LYRM4: variants seen among roughly 807,000 people sequenced by gnomAD.
The protein encoded by LYRM4 is LYR motif containing 4, also known as LYR motif-containing protein 4.
A neutral mutation model predicts 11.7 loss-of-function variants in LYRM4; 9 were observed. That is an observed-to-expected ratio of 0.77 (90% CI 0.46 to 1.34). LYRM4 has a LOEUF of 1.34. Among genes scored for constraint, LYRM4 ranks in the 40% most tolerant of loss-of-function variants. The pLI is 0.00. For synonymous variants in LYRM4, 42 were observed against 40.4 expected (o/e 1.04, Z -0.15); for missense variants, 133 against 112.5 (o/e 1.18, Z -0.82).
chr6:5,037,789 G>A, the LYRM4 span, among the ~76,000 whole-genome samples: 1 of 63,350 alleles, frequency 1.6e-5, no homozygotes. Flanking sequence ...TCACCTCCCG[G>A]ACGGGGCGGC....
the LYRM4 span, chr6:5,086,050 C>T: frequency 6.7e-7 from 1 of 1,482,254 alleles, no homozygotes; most frequent in Admixed American, 2.3e-5. Context: ...AGTGGCCGCG[C>T]CCCTTTCAGC....
intron 1 of LYRM4, among the ~76,000 whole-genome samples, chr6:5,236,087 C>T (rs1417427159): frequency 1.3e-5 from 2 of 152,072 alleles, no homozygotes; most frequent in South Asian, 2.1e-4. Flanking sequence ...GCCATTTTCC[C>T]GTAGGTGGAT....
intron 2 of LYRM4, among the ~76,000 whole-genome samples, chr6:5,130,260 G>C (rs2127612027): frequency 6.6e-6 from 1 of 152,312 alleles, no homozygotes; most frequent in East Asian, 1.9e-4. Flanking sequence ...GGCCAACGCT[G>C]GGATTCTGGG....
intron 2 of LYRM4, among the ~76,000 whole-genome samples, chr6:5,120,916 G>A (rs1266972374): frequency 3.3e-5 from 5 of 152,268 alleles, no homozygotes; most frequent in South Asian, 4.1e-4. Context: ...AGCTGGCTTC[G>A]CCTCTCAGTA....
chr6:5,038,887 AGAGAGGGAGAGG>A, the LYRM4 span, among the ~76,000 whole-genome samples: 137 of 85,108 alleles, frequency 1.6e-3, 56 homozygotes, highest in East Asian at 0.012. Context: ...GTGGAGGGAG[AGAGAGGGAGAGG>A]GAGAGGGAGA....
intron 2 of LYRM4, among the ~76,000 whole-genome samples, chr6:5,130,329 A>G (rs1392678571): frequency 1.3e-5 from 2 of 152,214 alleles, no homozygotes. Context: ...CTGCCTCCCA[A>G]GTGAGCTTTA....
chr6:5,080,103 T>C, the LYRM4 span, among the ~76,000 whole-genome samples: 2 of 152,188 alleles, frequency 1.3e-5, no homozygotes, highest in Admixed American at 6.5e-5. Context: ...AGTGAGGATA[T>C]AGTGGGTATT....
At chr6:5,050,323 C>CCTT in the LYRM4 span, among the ~76,000 whole-genome samples, 994 of 152,326 alleles carry the variant, frequency 6.5e-3, 8 homozygotes, top group African/African-American at 0.019. Context: ...CTTGAAGGAG[C>CCTT]CAAGGTGGGT....
At chr6:5,043,711 C>G in the LYRM4 span, among the ~76,000 whole-genome samples, 23 of 152,170 alleles carry the variant, frequency 1.5e-4, no homozygotes, top group Admixed American at 6.5e-4. Flanking sequence ...TCCTCCTCCT[C>G]CCAGGGGCGC....
intron 2 of LYRM4, among the ~76,000 whole-genome samples, chr6:5,117,553 A>G (rs895581975): frequency 6.6e-6 from 1 of 152,088 alleles, no homozygotes; most frequent in African/African-American, 2.4e-5. Context: ...CTCAAAAAAA[A>G]AAAAAAATTG....
chr6:5,256,490 GGAAAAAAAAAAAAAAAAAAAAAAAAAAA>G (rs1440804181), intron 1 of LYRM4, among the ~76,000 whole-genome samples: 2 of 37,520 alleles, frequency 5.3e-5, no homozygotes, highest in Non-Finnish European at 1.1e-4. Context: ...GATTTCAACT[GGAAAAAAAAAAAAAAAAAAAAAAAAAAA>G]AAAAAAAAAA....
At chr6:5,224,210 T>C (rs547653365) in intron 1 of LYRM4, among the ~76,000 whole-genome samples, 11 of 152,262 alleles carry the variant, frequency 7.2e-5, no homozygotes, top group African/African-American at 2.6e-4. Context: ...CACATATAAA[T>C]TGAGAAGACA....
chr6:5,056,863 A>C, the LYRM4 span, among the ~76,000 whole-genome samples: 69 of 152,350 alleles, frequency 4.5e-4, no homozygotes, highest in African/African-American at 1.6e-3. Flanking sequence ...CAAGTAAAAA[A>C]TAATGTTTCA....
intron 1 of LYRM4, among the ~76,000 whole-genome samples, chr6:5,243,873 T>A (rs1442894550): frequency 6.6e-6 from 1 of 152,272 alleles, no homozygotes; most frequent in East Asian, 1.9e-4. Context: ...GGCAGACATT[T>A]CCAATGACAT....
At chr6:5,223,955 G>T (rs1168064192) in intron 1 of LYRM4, among the ~76,000 whole-genome samples, 2 of 152,174 alleles carry the variant, frequency 1.3e-5, no homozygotes, top group East Asian at 3.8e-4. Context: ...ATGGCCTACA[G>T]GACTCTCTGG....
At chr6:5,052,692 G>T in the LYRM4 span, among the ~76,000 whole-genome samples, 1 of 152,130 alleles carries the variant, frequency 6.6e-6, no homozygotes. Context: ...TGTACATAAT[G>T]CCACTGAACT....
intron 2 of LYRM4, among the ~76,000 whole-genome samples, chr6:5,182,201 A>C (rs896748577): frequency 6.6e-6 from 1 of 152,212 alleles, no homozygotes; most frequent in African/African-American, 2.4e-5. Context: ...ACAGGTATTA[A>C]TTAATGTGAC....
intron 1 of LYRM4, among the ~76,000 whole-genome samples, chr6:5,231,168 T>A (rs1763217827): frequency 6.6e-6 from 1 of 151,972 alleles, no homozygotes; most frequent in Non-Finnish European, 1.5e-5. Context: ...TCCCAGCTAC[T>A]GCACTCCGGT....
chr6:5,166,221 T>C (rs1007854689), intron 2 of LYRM4, among the ~76,000 whole-genome samples: 1 of 152,198 alleles, frequency 6.6e-6, no homozygotes, highest in African/African-American at 2.4e-5. Context: ...TCACTACAAA[T>C]AGACTGTGGT....
Sources: allele counts gnomAD v4.1 joint callset (sites outside exome capture counted in the v4.1 genomes callset), GRCh38; gene constraint gnomAD v4.1.1; transcripts MANE v1.5; gene names NCBI Gene and HGNC (gene_info 2026-07-23, HGNC 2026-07-21).